WDR77: variants seen among roughly 807,000 people sequenced by gnomAD.
WDR77 encodes methylosome protein WDR77.
WDR77 carries 31 observed loss-of-function variants against 44.0 expected under a neutral mutation model. That is an observed-to-expected ratio of 0.70 (90% CI 0.53 to 0.95). The LOEUF (loss-of-function observed/expected upper bound fraction) is 0.95, where lower values mean the gene tolerates loss of function less well. WDR77 is among the 40% of genes least tolerant of loss of function. The pLI, the probability that WDR77 is intolerant of heterozygous loss-of-function variation, is 0.00. For missense variants in WDR77, 390 were observed against 423.9 expected, an observed-to-expected ratio of 0.92 and a Z score of 0.70; for synonymous variants, 186 against 165.7, an observed-to-expected ratio of 1.12 and a Z score of -0.94.
chr1:111,447,620 A>G (rs1250853618), intron 2 of WDR77, 44 bp from the exon 3 acceptor site: 2 of 1,608,054 alleles, frequency 1.2e-6, no homozygotes, highest in African/African-American at 2.7e-5. Flanking sequence ...GGATTATACC[A>G]AGGCAGTAAT....
In WDR77 at chr1:111,448,811, G is replaced by C. The variant is rs776512065; in HGVS notation, c.116-7C>G. The C allele has an allele frequency of 9.6e-6, 15 of 1,567,828 alleles. No homozygotes were observed. The highest frequency in any genetic ancestry group is 3.5e-5 in the South Asian group (3 of 86,782). ...CCGAGGAGAAGCGCCCCATCTACGGGGGGTACAAGCTGTCAGCGCGTGAAG... is the reference window on the plus strand; with the variant it reads ...CCGAGGAGAAGCGCCCCATCTACGGCGGGTACAAGCTGTCAGCGCGTGAAG... On this transcript the variant is annotated splice_region_variant and splice_polypyrimidine_tract_variant and intron_variant, in intron 1 of 9. Coordinates refer to ENST00000235090, the MANE Select transcript of WDR77 (RefSeq NM_024102.4).
chr1:111,442,052 G>A lies in WDR77; in HGVS notation c.842C>T (p.Ala281Val), dbSNP rs1401857528. The change falls in exon 9 of 10, where the codon GCT becomes GTT. Residue 281 changes from alanine to valine, a missense_variant. Physicochemically the swap from Ala to Val is moderately conservative, Grantham distance 64 (BLOSUM62 0). Coordinates refer to ENST00000235090, the MANE Select transcript of WDR77 (RefSeq NM_024102.4). The part of the protein sequence containing the change: ...LASLSEDCSL[A>V]VLDSSLSELF... ...CTCAGAAAGGCTTGAGTCCAGCACA[G>A]CAAGTGAGCAGTCTTCACTGAGAGA... 22 of 1,614,136 alleles carry A rather than the reference G, an allele frequency of 1.4e-5. No homozygotes were observed. The highest frequency in any genetic ancestry group is 1.9e-5 in the Non-Finnish European group (22 of 1,179,994).
rs115300202 is a variant in WDR77 at position 111,447,834 on chromosome 1, A to C, written c.302-258T>G. Among the ~76,000 whole-genome samples, 447 of 152,354 alleles carry C rather than the reference A, an allele frequency of 2.9e-3. 5 individuals carry two copies. The highest frequency in any genetic ancestry group is 0.01 in the African/African-American group (420 of 41,574). ...AAAGACAAAGATGGAACAGTCTGTA[A>C]AATTCATTATCTGCTTTTAGTGAGA... On this transcript the variant is annotated intron_variant, in intron 2 of 9. Coordinates refer to ENST00000235090, the MANE Select transcript of WDR77 (RefSeq NM_024102.4).
chr1:111,447,405 G>A (rs532572808), intron 3 of WDR77, 30 bp downstream of exon 3: 1 of 1,613,380 alleles, frequency 6.2e-7, no homozygotes, highest in South Asian at 1.1e-5. Context: ...AGGAGGCTTA[G>A]AGACAGGAGC....
intron 9 of WDR77, 48 bp downstream of exon 9, chr1:111,441,977 C>G (rs535653299): frequency 6.5e-7 from 1 of 1,546,824 alleles, no homozygotes; most frequent in African/African-American, 1.4e-5. Context: ...ACTCGCCCAC[C>G]CACTGCTCCC....
intron 4 of WDR77, among the ~76,000 whole-genome samples, chr1:111,445,295 G>A (rs1652977612): frequency 6.6e-6 from 1 of 152,230 alleles, no homozygotes; most frequent in Non-Finnish European, 1.5e-5. Flanking sequence ...CCCTGAGGCA[G>A]AAGGATGGAA....
rs2101738658 is a variant in WDR77 at position 111,440,823 on chromosome 1, C to T, written c.*407G>A. On this transcript the variant is annotated 3_prime_UTR_variant, in exon 10 of 10. Coordinates refer to ENST00000235090, the MANE Select transcript of WDR77 (RefSeq NM_024102.4). ...TCTATGAGTAGCATAAGAGCTGCTT[C>T]CAAGAACCCAGGGATGCCCACATCC... is the stretch of plus-strand genomic sequence containing the variant. 6.5e-6 allele frequency: 1 copy of T among 154,334 alleles called. No individual in the cohort carries two copies. The highest frequency in any genetic ancestry group is 2.1e-4 in the South Asian group (1 of 4,840). The allele number at this position is 154,334 out of a possible 1,614,324, so 9.6% of individuals were successfully genotyped here. A position where few individuals can be genotyped will look rare whatever the true frequency, so the allele number is the denominator to read the frequency against.
At position 111,448,613 on chromosome 1, in the gene WDR77, A is replaced by G. The variant is rs766405409; in HGVS notation, c.301+6T>C. On this transcript the variant is annotated splice_donor_region_variant and intron_variant, in intron 2 of 9. Transcript: ENST00000235090. The stretch of plus-strand genomic sequence containing the variant: ...GGTGGGGGTGGATAATGGGATAGTG[A>G]CTCACCTGAATCGGAGGCCACTAGA... The G allele has an allele frequency of 7.4e-6, 12 of 1,613,648 alleles. No individual in the cohort carries two copies. In the African/African-American group the frequency reaches 1.6e-4, roughly 22 times the overall value.
At position 111,442,006 on chromosome 1, in the gene WDR77, G is replaced by C; in HGVS notation, c.869+19C>G. ...TGCTCCCCTTCCCTGATTCCCAAAGGATTCCACTTCACACTTACAACTCAG... is the reference window on the plus strand; with the variant it reads ...TGCTCCCCTTCCCTGATTCCCAAAGCATTCCACTTCACACTTACAACTCAG... On this transcript the variant is annotated intron_variant, in intron 9 of 9. Transcript: ENST00000235090. 6.2e-7 allele frequency: 1 copy of C among 1,612,084 alleles called. No homozygotes were observed. Among genetic ancestry groups the C allele is most frequent in the Non-Finnish European group, 8.5e-7 (1 of 1,178,420 alleles).
At chr1:111,443,192 A>T in intron 7 of WDR77, 131 bp downstream of exon 7, 1 of 810,626 alleles carries the variant, frequency 1.2e-6, no homozygotes. Flanking sequence ...CCCACCCTCA[A>T]TTCATAATTC....
chr1:111,444,828 A>T (rs1652962660), intron 4 of WDR77, among the ~76,000 whole-genome samples: 1 of 152,242 alleles, frequency 6.6e-6, no homozygotes, highest in South Asian at 2.1e-4. Context: ...TCTAATAATG[A>T]GAACTAAAAA....
At chr1:111,441,442 G>A (rs753795423) in intron 9 of WDR77, 53 bp from the exon 10 acceptor site, 57 of 1,426,390 alleles carry the variant, frequency 4.0e-5, no homozygotes, top group Non-Finnish European at 4.5e-5. Context: ...AAGCAGACCT[G>A]GAGAAAAAAA....
rs1652808142 is a variant in WDR77, at chr1:111,441,347, A to T, written c.912T>A (p.Thr304=). ...GCAGGGAGTGATTGAGCGGGGACCA[A>T]GTCGCATCTCTCACAAAGTCTCTGT... The part of the protein sequence containing the change: ...QAHRDFVRDA[T]WSPLNHSLLT... The change falls in exon 10 of 10, where the codon ACT becomes ACA. Residue 304 remains threonine (T), a synonymous_variant. Coordinates refer to ENST00000235090, the MANE Select transcript of WDR77 (RefSeq NM_024102.4). 1.3e-6 allele frequency: 2 copies of T among 1,565,256 alleles called. No homozygotes were observed. The highest frequency in any genetic ancestry group is 1.7e-6 in the Non-Finnish European group (2 of 1,152,582).
At position 111,443,364 on chromosome 1, in the gene WDR77, G is replaced by A. The variant is rs746099670; in HGVS notation, c.650C>T (p.Ser217Leu). The part of the protein sequence containing the change: ...GCSAPGYLPT[S>L]LAWHPQQSEV... ...ACTTTGCTGAGGATGCCAAGCCAGC[G>A]AGGTAGGAAGGTAGCCAGGCGCACT... The change falls in exon 7 of 10, where the codon TCG becomes TTG. Residue 217 changes from serine (S) to leucine (L), a missense_variant. Coordinates refer to ENST00000235090, the MANE Select transcript of WDR77 (RefSeq NM_024102.4). The A allele has an allele frequency of 1.5e-5, 23 of 1,552,366 alleles. No homozygotes were observed. The highest frequency in any genetic ancestry group is 1.9e-5 in the Non-Finnish European group (22 of 1,147,298).
At chr1:111,444,213 G>A in intron 4 of WDR77, 89 bp from the exon 5 acceptor site, 1 of 1,324,860 alleles carries the variant, frequency 7.5e-7, no homozygotes, top group East Asian at 2.3e-5. Context: ...GGGGCAGGAG[G>A]GAGGGAGGGC....
chr1:111,445,548 C>T (rs1557794071), intron 4 of WDR77, among the ~76,000 whole-genome samples: 1 of 151,970 alleles, frequency 6.6e-6, no homozygotes. Context: ...CCACTTGAGC[C>T]CAGGAATTTG....
Position 111,440,998 on chromosome 1 carries a change from T to TAC in WDR77, c.*230_*231dup. The TAC allele has an allele frequency of 2.9e-6, 1 of 344,160 alleles. No individual in the cohort carries two copies. Among genetic ancestry groups the TAC allele is most frequent in the South Asian group, 1.5e-4 (1 of 6,852 alleles). The allele number at this position is 344,160 out of a possible 1,614,324, so 21.3% of individuals were successfully genotyped here. Reference sequence around the variant, plus strand: ...CTGCCACTACCAAAAACTATAAATCTACACACACACTCACACGCACATACA... The same window carrying TAC: ...CTGCCACTACCAAAAACTATAAATCTACACACACACACTCACACGCACATACA... On this transcript the variant is annotated 3_prime_UTR_variant, in exon 10 of 10. Coordinates refer to ENST00000235090, the MANE Select transcript of WDR77 (RefSeq NM_024102.4).
At chr1:111,446,461 T>C (rs1653034948) in intron 4 of WDR77, among the ~76,000 whole-genome samples, 2 of 152,080 alleles carry the variant, frequency 1.3e-5, no homozygotes. Flanking sequence ...CCCTCAAGAA[T>C]GTCAAGGATC....
In WDR77 at chr1:111,442,777, A is replaced by T; in HGVS notation, c.692-16T>A. ...TTCTCATCACCTGTAGAAGAGAAGG[A>T]ACATGTCATAGTGATTAAGAGCATG... On this transcript the variant is annotated splice_polypyrimidine_tract_variant and intron_variant, in intron 7 of 9. Transcript: ENST00000235090. The T allele has an allele frequency of 6.6e-7, 1 of 1,523,624 alleles. No homozygotes were observed. The allele number at this position is 1,523,624 out of a possible 1,614,324, so 94.4% of individuals were successfully genotyped here.
Sources: gnomAD v4.1 joint callset for allele counts (sites outside exome capture counted in the v4.1 genomes callset) on GRCh38, gnomAD v4.1.1 for gene constraint, MANE v1.5 for transcripts, NCBI Gene and HGNC (gene_info 2026-07-23, HGNC 2026-07-21) for gene names.